The following TSPAN11 variants were observed in gnomAD, a reference collection of about 807,000 sequenced individuals.
TSPAN11 encodes the protein tetraspanin 11, also known as tetraspanin-11.
A neutral mutation model predicts 32.9 loss-of-function variants in TSPAN11; 29 were observed. The ratio of observed to expected loss-of-function variants is 0.88; its 90% CI spans 0.66 to 1.20. The LOEUF (loss-of-function observed/expected upper bound fraction) is 1.20, where lower values mean the gene tolerates loss of function less well. Ranked by LOEUF, TSPAN11 falls within the 50% of genes most tolerant of loss-of-function variation. The pLI, the probability that TSPAN11 is intolerant of heterozygous loss-of-function variation, is 0.00. For missense variants in TSPAN11, 283 were observed against 329.1 expected (o/e 0.86, Z 1.08); for synonymous variants, 140 against 141.3 (o/e 0.99, Z 0.07).
At chr12:30,934,597 C>T (rs1938003163) in intron 1 of TSPAN11, among the ~76,000 whole-genome samples, 1 of 152,056 alleles carries the variant, frequency 6.6e-6, no homozygotes, top group Non-Finnish European at 1.5e-5. Flanking sequence ...TTGAATGCGG[C>T]CCAACACAAA....
chr12:30,965,983 C>T (rs1428871473), intron 3 of TSPAN11, among the ~76,000 whole-genome samples: 2 of 151,522 alleles, frequency 1.3e-5, no homozygotes, highest in Non-Finnish European at 2.9e-5. Context: ...AACACAAATC[C>T]GTAAACTTTC....
intron 1 of TSPAN11, among the ~76,000 whole-genome samples, chr12:30,934,550 T>C (rs1938002040): frequency 6.6e-6 from 1 of 152,182 alleles, no homozygotes; most frequent in Non-Finnish European, 1.5e-5. Flanking sequence ...ACATCAAGTT[T>C]GTCAAACCTC....
In TSPAN11 at chr12:30,975,955, T is replaced by C. The variant is rs1938961845; in HGVS notation, c.277-2606T>C. On this transcript the variant is annotated intron_variant, in intron 3 of 7. Coordinates refer to ENST00000546076, the MANE Select transcript of TSPAN11 (RefSeq NM_001370302.1). This position sits in a 1 kb window ranked among gnomAD's most constrained non-coding sequence, Gnocchi z 4.5. ...CCGGCCTCAGCACCGTAGCTGAGGA[T>C]GGTGGAGGGAAGTTTGGAGCAGGCA... is the stretch of plus-strand genomic sequence containing the variant. Among the ~76,000 whole-genome samples, 1 of 152,008 alleles carries C rather than the reference T, an allele frequency of 6.6e-6. No homozygotes were observed. Among genetic ancestry groups the C allele is most frequent in the African/African-American group, 2.4e-5 (1 of 41,390 alleles).
At chr12:31,005,286 A>G in the TSPAN11 span, among the ~76,000 whole-genome samples, 9 of 152,360 alleles carry the variant, frequency 5.9e-5, no homozygotes, top group South Asian at 1.9e-3. Flanking sequence ...GTAAGGTATA[A>G]AAAGCCTGGC....
the TSPAN11 span, among the ~76,000 whole-genome samples, chr12:31,014,519 T>C: frequency 6.6e-6 from 1 of 152,264 alleles, no homozygotes; most frequent in African/African-American, 2.4e-5. Context: ...CTTGAACCTA[T>C]GTTGTCTGAC....
intron 1 of TSPAN11, among the ~76,000 whole-genome samples, chr12:30,936,261 AG>A (rs1276851466): frequency 6.6e-6 from 1 of 152,078 alleles, no homozygotes; most frequent in Non-Finnish European, 1.5e-5. Flanking sequence ...TTTCTTCCTG[AG>A]CTGCATACGT....
chr12:30,942,600 A>G (rs900981585), intron 1 of TSPAN11, among the ~76,000 whole-genome samples: 4 of 152,218 alleles, frequency 2.6e-5, no homozygotes, highest in African/African-American at 9.6e-5. Context: ...ACAGGTAGCA[A>G]ACCATCCAGG....
intron 3 of TSPAN11, among the ~76,000 whole-genome samples, chr12:30,968,095 A>G (rs1470257369): frequency 6.6e-6 from 1 of 152,114 alleles, no homozygotes; most frequent in African/African-American, 2.4e-5. Flanking sequence ...GTTTCATTTC[A>G]TTTTGTCCCC....
At chr12:31,004,739 G>A in the TSPAN11 span, among the ~76,000 whole-genome samples, 5 of 152,224 alleles carry the variant, frequency 3.3e-5, no homozygotes, top group Admixed American at 2.6e-4. Context: ...GGTGGAAGGG[G>A]CGGCCTCCCA....
chr12:30,966,261 C>T lies in TSPAN11; in HGVS notation c.276+2244C>T, dbSNP rs181060594. On this transcript the variant is annotated intron_variant, in intron 3 of 7. Coordinates refer to ENST00000546076, the MANE Select transcript of TSPAN11 (RefSeq NM_001370302.1). The stretch of plus-strand genomic sequence containing the variant: ...CATAAGAAAAGGCAGGAGGGGATTC[C>T]GTTGGTGCATTTGAATGTCACTAGG... Among the ~76,000 whole-genome samples the T allele has an allele frequency of 9.9e-5, 15 of 152,128 alleles. No individual in the cohort carries two copies. The East Asian group carries it at 2.7e-3, about 27-fold the overall frequency.
At chr12:30,972,985 C>T (rs1487691934) in intron 3 of TSPAN11, among the ~76,000 whole-genome samples, 11 of 152,074 alleles carry the variant, frequency 7.2e-5, no homozygotes, top group Admixed American at 5.2e-4. Flanking sequence ...TCTCCTGACA[C>T]TCTGTCCTTT....
intron 1 of TSPAN11, among the ~76,000 whole-genome samples, chr12:30,950,599 A>G (rs1195906155): frequency 1.3e-5 from 2 of 152,184 alleles, no homozygotes; most frequent in Non-Finnish European, 2.9e-5. Flanking sequence ...ATATTCAAAC[A>G]TGTAGCTGAA....
intron 2 of TSPAN11, among the ~76,000 whole-genome samples, chr12:30,962,848 C>G (rs1487645783): frequency 6.6e-6 from 1 of 152,174 alleles, no homozygotes; most frequent in East Asian, 1.9e-4. Flanking sequence ...GGGTCCTGTC[C>G]CCAAATCCTG....
At chr12:30,932,632 A>G (rs1937956978) in intron 1 of TSPAN11, among the ~76,000 whole-genome samples, 4 of 152,132 alleles carry the variant, frequency 2.6e-5, no homozygotes. Context: ...AGTGATTCAT[A>G]CCCTGTTTGT....
At chr12:30,985,911 A>G (rs746362288) in intron 7 of TSPAN11, among the ~76,000 whole-genome samples, 3 of 152,220 alleles carry the variant, frequency 2.0e-5, no homozygotes, top group Non-Finnish European at 4.4e-5. Context: ...CGCCGTTGCT[A>G]TGGAATGGCT....
intron 1 of TSPAN11, among the ~76,000 whole-genome samples, chr12:30,935,373 G>GTTT (rs35076467): frequency 3.3e-5 from 4 of 120,918 alleles, no homozygotes; most frequent in Admixed American, 8.6e-5. Flanking sequence ...TGCTTTGTGG[G>GTTT]TTTTTTTTTT....
intron 7 of TSPAN11, chr12:30,988,676 T>C (rs923331813): frequency 6.6e-6 from 1 of 151,942 alleles, no homozygotes; most frequent in African/African-American, 2.4e-5. Flanking sequence ...TGGGCTGAGG[T>C]CTGTGCACGG....
chr12:30,967,299 A>G (rs183586096), intron 3 of TSPAN11, among the ~76,000 whole-genome samples: 2 of 152,360 alleles, frequency 1.3e-5, no homozygotes, highest in Non-Finnish European at 1.5e-5. Flanking sequence ...CCCAGAGGGA[A>G]CCAAGCCCTG....
chr12:30,983,916 C>CTG (rs150627196), intron 7 of TSPAN11, among the ~76,000 whole-genome samples: 14 of 151,784 alleles, frequency 9.2e-5, no homozygotes, highest in Admixed American at 3.9e-4. Flanking sequence ...AGGGCAGTGA[C>CTG]TGTGTGTGTG....
Sources: allele counts gnomAD v4.1 joint callset (sites outside exome capture counted in the v4.1 genomes callset), GRCh38; gene constraint gnomAD v4.1.1; non-coding constraint Gnocchi (gnomAD v3.1); transcripts MANE v1.5; gene names NCBI Gene and HGNC (gene_info 2026-07-23, HGNC 2026-07-21).